Variants in B3GAT2 observed in about 807,000 individuals in gnomAD.
B3GAT2 encodes the protein galactosylgalactosylxylosylprotein 3-beta-glucuronosyltransferase 2.
B3GAT2 carries 26 observed loss-of-function variants against 27.8 expected under a neutral mutation model. The observed-to-expected ratio is 0.93, with a 90% CI of 0.68 to 1.30. The LOEUF (loss-of-function observed/expected upper bound fraction) is 1.30. Ranked by LOEUF, B3GAT2 falls within the 50% of genes most tolerant of loss-of-function variation. The pLI, the probability that B3GAT2 is intolerant of heterozygous loss-of-function variation, is 0.00. For synonymous variants in B3GAT2, 218 were observed against 195.1 expected, an observed-to-expected ratio of 1.12 and a Z score of -0.98; for missense variants, 458 against 459.0, an observed-to-expected ratio of 1.00 and a Z score of 0.02.
chr6:70,924,623 T>C (rs1478087418), intron 1 of B3GAT2, among the ~76,000 whole-genome samples: 1 of 152,012 alleles, frequency 6.6e-6, no homozygotes, highest in African/African-American at 2.4e-5. Context: ...TTGCAAAACT[T>C]AAAACAGTGA....
chr6:70,860,202 G>A lies in B3GAT2; in HGVS notation c.*1461C>T. The A allele has an allele frequency of 6.2e-7, 1 of 1,606,040 alleles. No individual in the cohort carries two copies. Among genetic ancestry groups the A allele is most frequent in the Non-Finnish European group, 8.5e-7 (1 of 1,177,222 alleles). ...TAAGCCTTTTATATGTTTCACAGAT[G>A]AATCAGCAGATGGCTGGCATGAGTA... is the stretch of plus-strand genomic sequence containing the variant. On this transcript the variant is annotated 3_prime_UTR_variant, in exon 4 of 4. Transcript: ENST00000230053.
chr6:70,946,535 C>T (rs1314047603), intron 1 of B3GAT2, among the ~76,000 whole-genome samples: 1 of 152,048 alleles, frequency 6.6e-6, no homozygotes, highest in Admixed American at 6.6e-5. Context: ...AGCTAACTAT[C>T]CTAAATATAA....
At chr6:70,930,281 G>A (rs1336631907) in intron 1 of B3GAT2, among the ~76,000 whole-genome samples, 6 of 152,162 alleles carry the variant, frequency 3.9e-5, no homozygotes, top group Non-Finnish European at 8.8e-5. Flanking sequence ...CATAGGCATA[G>A]GCAAGGACTT....
chr6:70,934,809 G>C (rs1466701807), intron 1 of B3GAT2, among the ~76,000 whole-genome samples: 1 of 152,132 alleles, frequency 6.6e-6, no homozygotes, highest in Non-Finnish European at 1.5e-5. Flanking sequence ...TGTAATATTT[G>C]TCAATACAGA....
intron 2 of B3GAT2, 108 bp from the exon 3 acceptor site, chr6:70,862,086 G>T: frequency 9.9e-7 from 1 of 1,013,164 alleles, no homozygotes. Flanking sequence ...TACCTACTGT[G>T]TGTCAGGTCT....
At chr6:70,944,188 G>A (rs928499981) in intron 1 of B3GAT2, among the ~76,000 whole-genome samples, 8 of 152,114 alleles carry the variant, frequency 5.3e-5, no homozygotes, top group Admixed American at 1.3e-4. Flanking sequence ...CTGAGGTACC[G>A]GGTTCATCTC....
chr6:70,955,745 G>T, intron 1 of B3GAT2, 94 bp downstream of exon 1: 2 of 1,361,110 alleles, frequency 1.5e-6, no homozygotes, highest in East Asian at 3.0e-5. Flanking sequence ...ACTCAAAAGT[G>T]CACCCGGAGT....
At chr6:70,862,692 G>T (rs1405653064) in intron 2 of B3GAT2, among the ~76,000 whole-genome samples, 2 of 152,092 alleles carry the variant, frequency 1.3e-5, no homozygotes, top group Non-Finnish European at 2.9e-5. Flanking sequence ...ATTACTGGCT[G>T]GGCACAGTGT....
At chr6:70,867,398 G>GA (rs1020198281) in intron 2 of B3GAT2, among the ~76,000 whole-genome samples, 4 of 151,582 alleles carry the variant, frequency 2.6e-5, no homozygotes, top group African/African-American at 9.7e-5. Flanking sequence ...AGTCATTTAG[G>GA]AAAAAAAAGT....
At chr6:70,902,989 ATATAT>A (rs1220848903) in intron 1 of B3GAT2, among the ~76,000 whole-genome samples, 1 of 152,112 alleles carries the variant, frequency 6.6e-6, no homozygotes, top group Non-Finnish European at 1.5e-5. Flanking sequence ...ACTATAGTTA[ATATAT>A]TATATAGTTA....
intron 2 of B3GAT2, among the ~76,000 whole-genome samples, chr6:70,891,080 C>T (rs1368791476): frequency 6.6e-6 from 1 of 152,202 alleles, no homozygotes; most frequent in Non-Finnish European, 1.5e-5. Flanking sequence ...AATTAACTGC[C>T]TCCCTTCAAA....
chr6:70,903,746 G>C lies in B3GAT2; in HGVS notation c.592-9474C>G, dbSNP rs78898312. ...AAAATGAAAAGATTGGCAATACCAAGAGCTGATGACAATGTGGAATAATTA... is the reference window on the plus strand; with the variant it reads ...AAAATGAAAAGATTGGCAATACCAACAGCTGATGACAATGTGGAATAATTA... On this transcript the variant is annotated intron_variant, in intron 1 of 3. Coordinates refer to ENST00000230053, the MANE Select transcript of B3GAT2 (RefSeq NM_080742.3). Among the ~76,000 whole-genome samples, 1,110 of 151,920 alleles carry C rather than the reference G, an allele frequency of 7.3e-3. 14 individuals carry two copies. The highest frequency in any genetic ancestry group is 0.026 in the African/African-American group (1,061 of 41,470).
chr6:70,955,462 T>C (rs1028874502), intron 1 of B3GAT2, among the ~76,000 whole-genome samples: 3 of 78,900 alleles, frequency 3.8e-5, no homozygotes, highest in African/African-American at 5.0e-5. Context: ...GGTCCCTCCC[T>C]GATCTCCTAT....
At chr6:70,882,297 C>G (rs758781526) in intron 2 of B3GAT2, among the ~76,000 whole-genome samples, 1 of 152,036 alleles carries the variant, frequency 6.6e-6, no homozygotes, top group Non-Finnish European at 1.5e-5. Flanking sequence ...GTCAGGAGAT[C>G]CAGACCATAC....
At chr6:70,884,807 C>T (rs536754618) in intron 2 of B3GAT2, among the ~76,000 whole-genome samples, 41 of 152,294 alleles carry the variant, frequency 2.7e-4, no homozygotes, top group African/African-American at 8.4e-4. Context: ...AGGGCAATGC[C>T]GACTGACCAC....
chr6:70,917,267 C>T (rs1030972618), intron 1 of B3GAT2, among the ~76,000 whole-genome samples: 7 of 151,800 alleles, frequency 4.6e-5, no homozygotes, highest in African/African-American at 7.3e-5. Context: ...TTTTTTATTG[C>T]GTCTATTTGA....
chr6:70,863,346 T>C (rs1284170101), intron 2 of B3GAT2, among the ~76,000 whole-genome samples: 1 of 152,226 alleles, frequency 6.6e-6, no homozygotes, highest in Non-Finnish European at 1.5e-5. Context: ...GCCAGTCTCC[T>C]GTTCCAGACC....
chr6:70,903,830 A>G (rs1772551149), intron 1 of B3GAT2, among the ~76,000 whole-genome samples: 1 of 152,200 alleles, frequency 6.6e-6, no homozygotes, highest in Non-Finnish European at 1.5e-5. Flanking sequence ...GGGAAAAAAA[A>G]TTGGTAGTTT....
chr6:70,939,803 G>A (rs1170661397), intron 1 of B3GAT2, among the ~76,000 whole-genome samples: 1 of 151,898 alleles, frequency 6.6e-6, no homozygotes, highest in Non-Finnish European at 1.5e-5. Context: ...TAAAAGACTA[G>A]TTAATGGGTG....
Sources: allele counts gnomAD v4.1 joint callset (sites outside exome capture counted in the v4.1 genomes callset), GRCh38; gene constraint gnomAD v4.1.1; transcripts MANE v1.5; gene names NCBI Gene and HGNC (gene_info 2026-07-23, HGNC 2026-07-21).